GCNT2: variants seen among roughly 807,000 people sequenced by gnomAD.
GCNT2 encodes the protein N-acetyllactosaminide beta-1,6-N-acetylglucosaminyl-transferase.
GCNT2 carries 34 observed loss-of-function variants against 34.2 expected under a neutral mutation model. That is an observed-to-expected ratio of 1.00 (90% CI 0.76 to 1.32). GCNT2 has a LOEUF of 1.32. Ranked by LOEUF, GCNT2 falls within the 40% of genes most tolerant of loss-of-function variation. GCNT2 has a pLI of 0.00. For synonymous variants in GCNT2, 212 were observed against 188.0 expected (o/e 1.13, Z -1.04); for missense variants, 584 against 489.4 (o/e 1.19, Z -1.82).
chr6:10,538,010 A>G (rs1268313002), intron 3 of GCNT2, among the ~76,000 whole-genome samples: 1 of 152,012 alleles, frequency 6.6e-6, no homozygotes, highest in East Asian at 2.0e-4. Flanking sequence ...ATGAGAGAGT[A>G]TCCTACCGCA....
chr6:10,582,114 A>ATAC lies in GCNT2; in HGVS notation c.926-39237_926-39236insTAC, dbSNP rs548015954. ...AAAATATATCTCTTAAAGTACATATAAAAAACATTTATAAATGCATATATG... is the reference window on the plus strand; with the variant it reads ...AAAATATATCTCTTAAAGTACATATATACAAAAACATTTATAAATGCATATATG... On this transcript the variant is annotated intron_variant, in intron 3 of 4. Transcript: ENST00000495262. Among the ~76,000 whole-genome samples, 978 of 142,024 alleles carry ATAC rather than the reference A, an allele frequency of 6.9e-3. 15 individuals are homozygous for ATAC. Among genetic ancestry groups the ATAC allele is most frequent in the African/African-American group, 0.022 (861 of 38,758 alleles). The allele number at this position is 142,024 out of a possible 152,430, so 93.2% of individuals were successfully genotyped here.
At chr6:10,530,986 G>A (rs184197883) in intron 3 of GCNT2, among the ~76,000 whole-genome samples, 337 of 151,684 alleles carry the variant, frequency 2.2e-3, no homozygotes, top group African/African-American at 7.8e-3. Flanking sequence ...CCCAGGAGGC[G>A]GAGGTTGCAG....
rs534816792 is a variant in GCNT2, at chr6:10,562,116, C to T, written c.925+32280C>T. On this transcript the variant is annotated intron_variant, in intron 3 of 4. Transcript: ENST00000495262. ...ATCAAGCTGGATCAGCGAGTCAAAC[C>T]GTGTGCTCAGGACCCTTTCTTGCTA... Among the ~76,000 whole-genome samples the T allele has an allele frequency of 3.3e-5, 5 of 152,236 alleles. No homozygotes were observed. The East Asian group carries it at 9.7e-4, about 29-fold the overall frequency.
At chr6:10,546,180 ACC>A (rs929871077) in intron 3 of GCNT2, among the ~76,000 whole-genome samples, 4 of 152,070 alleles carry the variant, frequency 2.6e-5, no homozygotes, top group African/African-American at 9.7e-5. Context: ...GGCAGGCAAA[ACC>A]CAGGACAGTT....
chr6:10,626,347 A>T, intron 4 of GCNT2, 70 bp from the exon 5 acceptor site: 3 of 1,090,036 alleles, frequency 2.8e-6, no homozygotes, highest in Non-Finnish European at 4.3e-6. Context: ...TACCTCTAGT[A>T]TTCTGTAAGT....
At chr6:10,564,508 C>G (rs966977435) in intron 3 of GCNT2, among the ~76,000 whole-genome samples, 2 of 152,194 alleles carry the variant, frequency 1.3e-5, no homozygotes, top group African/African-American at 4.8e-5. Context: ...GGTTGGACTC[C>G]TGGCTCCTCC....
chr6:10,624,818 C>T (rs1173090515), intron 4 of GCNT2, among the ~76,000 whole-genome samples: 6 of 151,838 alleles, frequency 4.0e-5, no homozygotes, highest in Admixed American at 3.9e-4. Context: ...TATCTGTGGG[C>T]CCCCTCTCTC....
At chr6:10,530,659 C>G (rs956767896) in intron 3 of GCNT2, among the ~76,000 whole-genome samples, 1 of 151,872 alleles carries the variant, frequency 6.6e-6, no homozygotes. Flanking sequence ...TCTCTTGAAG[C>G]CAGGAGTTTG....
intron 3 of GCNT2, among the ~76,000 whole-genome samples, chr6:10,595,841 AACAC>A (rs1232483061): frequency 6.6e-6 from 1 of 152,170 alleles, no homozygotes; most frequent in Non-Finnish European, 1.5e-5. Flanking sequence ...AAAACTTATA[AACAC>A]ACACAACAGT....
rs1305357809 is a variant in GCNT2 at position 10,528,995 on chromosome 6, A to T, written c.84A>T (p.Leu28Phe). 3.7e-6 allele frequency: 6 copies of T among 1,613,892 alleles called. No individual in the cohort carries two copies. Among genetic ancestry groups the T allele is most frequent in the Non-Finnish European group, 5.1e-6 (6 of 1,179,772 alleles). ...TTGTATTTGTTTACAATACTGAGTTATGGGAGAATAAACGTTTTCTGAGGG... is the reference window on the plus strand; with the variant it reads ...TTGTATTTGTTTACAATACTGAGTTTTGGGAGAATAAACGTTTTCTGAGGG... ...LIFVFVYNTELWENKRFLRAA... is the reference protein window; with the variant it reads ...LIFVFVYNTEFWENKRFLRAA... Residue 28 changes from leucine to phenylalanine, a missense_variant, in exon 3 of 5, where the codon TTA (leucine) becomes TTT (phenylalanine). Physicochemically the swap from Leu to Phe is conservative, Grantham distance 22. Transcript: ENST00000495262.
chr6:10,551,945 A>T (rs1762501241), intron 3 of GCNT2, among the ~76,000 whole-genome samples: 2 of 146,290 alleles, frequency 1.4e-5, no homozygotes, highest in Admixed American at 6.9e-5. Context: ...TTTAGTAGAG[A>T]TGGGGGTTCC....
At chr6:10,531,378 A>C (rs566816848) in intron 3 of GCNT2, among the ~76,000 whole-genome samples, 5 of 152,360 alleles carry the variant, frequency 3.3e-5, no homozygotes, top group African/African-American at 1.2e-4. Flanking sequence ...CTGTATGAAG[A>C]TCACAGTCCT....
At position 10,528,721 on chromosome 6, in the gene GCNT2, AGTG is replaced by A. The variant is rs2113503037; in HGVS notation, c.-188_-186del. ...TCACAGAAAAGTGAAAATGCAACCT[AGTG>A]GTAAGTGAAGAGGGGAAGAAGAAAG... On this transcript the variant is annotated 5_prime_UTR_variant, in exon 3 of 5. Transcript: ENST00000495262. The A allele has an allele frequency of 1.6e-6, 1 of 622,416 alleles. No individual in the cohort carries two copies. The highest frequency in any genetic ancestry group is 2.7e-5 in the East Asian group (1 of 36,392). 38.6% of individuals were successfully genotyped at this position (622,416 alleles called of 1,614,324 possible). A position where few individuals can be genotyped will look rare whatever the true frequency, so the allele number is the denominator to read the frequency against.
intron 3 of GCNT2, among the ~76,000 whole-genome samples, chr6:10,538,437 A>AAAAAAAAAAAAT (rs1554127249): frequency 1.4e-5 from 1 of 73,356 alleles, no homozygotes; most frequent in Non-Finnish European, 2.2e-5. Flanking sequence ...AAAAAAAAAA[A>AAAAAAAAAAAAT]ATATATATAT....
At position 10,580,723 on chromosome 6, in the gene GCNT2, C is replaced by T. The variant is rs150951088; in HGVS notation, c.926-40628C>T. 7.3e-3 allele frequency among the ~76,000 whole-genome samples: 1,106 copies of T among 152,272 alleles called. 14 individuals carry two copies. Among genetic ancestry groups the T allele is most frequent in the African/African-American group, 0.025 (1,042 of 41,550 alleles). On this transcript the variant is annotated intron_variant, in intron 3 of 4. Coordinates refer to ENST00000495262, the MANE Select transcript of GCNT2 (RefSeq NM_145649.5). ...GTTCCAGTCCTGCCCCTCCCCTGAC[C>T]GGCATCTGCCTCAGCCTTTGTAAAC...
chr6:10,558,733 A>G (rs2113672475), intron 3 of GCNT2, among the ~76,000 whole-genome samples: 1 of 152,348 alleles, frequency 6.6e-6, no homozygotes, highest in African/African-American at 2.4e-5. Context: ...TGGGCGATAA[A>G]CACGCCGGCA....
intron 3 of GCNT2, among the ~76,000 whole-genome samples, chr6:10,539,661 T>C (rs1225317590): frequency 6.6e-6 from 1 of 152,114 alleles, no homozygotes; most frequent in African/African-American, 2.4e-5. Flanking sequence ...AGAAAACAGA[T>C]GAACTTCTCA....
At chr6:10,563,669 G>A (rs888391656) in intron 3 of GCNT2, among the ~76,000 whole-genome samples, 4 of 149,924 alleles carry the variant, frequency 2.7e-5, no homozygotes, top group Non-Finnish European at 4.4e-5. Flanking sequence ...TTGAACCCAG[G>A]AGGCGGAGCT....
At position 10,529,607 on chromosome 6, in the gene GCNT2, C is replaced by T. The variant is rs1159777801; in HGVS notation, c.696C>T (p.Val232=). 4 of 1,614,056 alleles carry T rather than the reference C, an allele frequency of 2.5e-6. No homozygotes were observed. In the Middle Eastern group the frequency reaches 6.6e-4, roughly 266 times the overall value. ...ACGCTGTTGGACGGACTAAATACGT[C>T]CACCAAGAACTGTTAAACCACAAAA... ...PDHAVGRTKY[V]HQELLNHKNS... The change falls in exon 3 of 5, where the codon GTC becomes GTT. Residue 232 remains valine (V), a synonymous_variant. Transcript: ENST00000495262.
Sources: allele counts gnomAD v4.1 joint callset (sites outside exome capture counted in the v4.1 genomes callset), GRCh38; gene constraint gnomAD v4.1.1; transcripts MANE v1.5; gene names NCBI Gene and HGNC (gene_info 2026-07-23, HGNC 2026-07-21).